LRRFIP2: variants seen among roughly 807,000 people sequenced by gnomAD.
The protein encoded by LRRFIP2 is LRR binding FLII interacting protein 2.
LRRFIP2 carries 109 observed loss-of-function variants against 125.9 expected under a neutral mutation model. The ratio of observed to expected loss-of-function variants is 0.87; its 90% CI spans 0.74 to 1.01. The LOEUF (loss-of-function observed/expected upper bound fraction) is 1.01. Ranked by LOEUF, LRRFIP2 falls within the 50% of genes least tolerant of loss-of-function variation. The pLI is 0.00. For missense variants in LRRFIP2, 850 were observed against 862.3 expected (o/e 0.99, Z 0.18); for synonymous variants, 291 against 293.1 (o/e 0.99, Z 0.07).
chr3:37,102,893 C>T (rs754386899), intron 15 of LRRFIP2, 31 bp downstream of exon 15: 1 of 1,449,166 alleles, frequency 6.9e-7, no homozygotes, highest in South Asian at 1.3e-5. Flanking sequence ...CCTGGGACAA[C>T]ATAACCAACC....
chr3:37,155,587 A>G (rs2096163882), intron 1 of LRRFIP2, among the ~76,000 whole-genome samples: 1 of 152,236 alleles, frequency 6.6e-6, no homozygotes, highest in South Asian at 2.1e-4. Context: ...TGGTTATGCT[A>G]GTCCTCTTAG....
chr3:37,066,338 A>G lies in LRRFIP2; in HGVS notation c.1465-13T>C, dbSNP rs775681697. The G allele has an allele frequency of 3.1e-6, 5 of 1,599,496 alleles. No homozygotes were observed. In the South Asian group the frequency reaches 5.5e-5, roughly 18 times the overall value. On this transcript the variant is annotated splice_polypyrimidine_tract_variant and intron_variant, in intron 21 of 27. Transcript: ENST00000336686. ...GTTTCTCTAGGGCCTGGTTTTAGGT[A>G]AGGTAGCAAGGGAAACAATGGCACA... is the stretch of plus-strand genomic sequence containing the variant.
At chr3:37,114,002 GCTAGAAGTGC>G (rs2094658836) in intron 7 of LRRFIP2, among the ~76,000 whole-genome samples, 1 of 152,116 alleles carries the variant, frequency 6.6e-6, no homozygotes, top group African/African-American at 2.4e-5. Context: ...AGAGAGTGTG[GCTAGAAGTGC>G]CCTACCTATC....
intron 2 of LRRFIP2, among the ~76,000 whole-genome samples, chr3:37,144,916 A>T (rs1452029991): frequency 6.6e-6 from 1 of 152,236 alleles, no homozygotes. Flanking sequence ...ACATTCAAAG[A>T]AAATGACTAA....
chr3:37,128,819 A>G (rs191749670), intron 3 of LRRFIP2, among the ~76,000 whole-genome samples: 7 of 152,366 alleles, frequency 4.6e-5, no homozygotes, highest in African/African-American at 1.7e-4. Context: ...ATGTAAGTGA[A>G]GCACTCATAA....
intron 2 of LRRFIP2, among the ~76,000 whole-genome samples, chr3:37,141,856 A>G (rs1433907850): frequency 4.6e-5 from 7 of 152,202 alleles, no homozygotes; most frequent in Non-Finnish European, 8.8e-5. Context: ...CTACTGGCTC[A>G]CGATCATAAG....
intron 2 of LRRFIP2, among the ~76,000 whole-genome samples, chr3:37,144,263 G>A (rs2095799860): frequency 6.6e-6 from 1 of 152,226 alleles, no homozygotes; most frequent in African/African-American, 2.4e-5. Flanking sequence ...GAAGGAGAGG[G>A]ATAGGCCTGG....
At position 37,091,530 on chromosome 3, in the gene LRRFIP2, A is replaced by T. The variant is rs368826128; in HGVS notation, c.1044T>A (p.Tyr348Ter). 1.2e-6 allele frequency: 2 copies of T among 1,608,810 alleles called. No homozygotes were observed. Among genetic ancestry groups the T allele is most frequent in the Non-Finnish European group, 1.7e-6 (2 of 1,177,526 alleles). ...DTSLSELRDI[Y>*]DLKDQIQDVE... is the part of the protein sequence containing the mutation. ...CATCCTGTATCTGGTCCTTAAGGTC[A>T]TAGATATCCTGCAGGACATAGGAAT... The change falls in exon 18 of 28, where the codon TAT becomes TAA. Residue 348 changes from tyrosine (Y) to a stop codon, truncating the protein, a stop_gained. Transcript: ENST00000336686. LOFTEE classifies it high-confidence loss of function.
chr3:37,093,966 A>C (rs534950756), intron 17 of LRRFIP2, among the ~76,000 whole-genome samples: 1 of 152,244 alleles, frequency 6.6e-6, no homozygotes, highest in South Asian at 2.1e-4. Context: ...GTCTTTTCTG[A>C]AAAGCCTTTT....
intron 1 of LRRFIP2, chr3:37,172,776 A>T (rs2096603463): frequency 6.6e-6 from 1 of 152,242 alleles, no homozygotes; most frequent in Non-Finnish European, 1.5e-5. Flanking sequence ...GAAGTATAAC[A>T]CATGATCAAC....
chr3:37,063,898 ATTAC>A (rs2089466536), intron 23 of LRRFIP2, 107 bp from the exon 24 acceptor site: 4 of 779,202 alleles, frequency 5.1e-6, no homozygotes, highest in South Asian at 4.6e-5. Flanking sequence ...GATAAATTAC[ATTAC>A]TTACAGCTCT....
chr3:37,068,467 G>A (rs537247143), intron 21 of LRRFIP2: 5 of 152,242 alleles, frequency 3.3e-5, no homozygotes, highest in African/African-American at 1.2e-4. Context: ...AATTACAGAT[G>A]AGAAAATAAA....
intron 24 of LRRFIP2, 99 bp from the exon 25 acceptor site, chr3:37,059,009 G>A (rs755681505): frequency 2.3e-5 from 34 of 1,455,128 alleles, no homozygotes; most frequent in Admixed American, 1.1e-4. Context: ...GACCCTTATC[G>A]TATCAGCCAC....
rs567949789 is a variant in LRRFIP2 at position 37,073,164 on chromosome 3, T to C, written c.1372-282A>G. ...CAGCAAGCCAGCTAGAATTTCTGTG[T>C]ACATACAGCTCCATATGTATATTCT... On this transcript the variant is annotated intron_variant, in intron 20 of 27. Transcript: ENST00000336686. Among the ~76,000 whole-genome samples the C allele has an allele frequency of 2.6e-5, 4 of 152,346 alleles. No homozygotes were observed. In the South Asian group the frequency reaches 6.2e-4, roughly 24 times the overall value.
chr3:37,083,798 C>A lies in LRRFIP2; in HGVS notation c.1116G>T (p.Leu372Phe). 1 of 1,588,426 alleles carries A rather than the reference C, an allele frequency of 6.3e-7. No homozygotes were observed. The highest frequency in any genetic ancestry group is 8.5e-7 in the Non-Finnish European group (1 of 1,172,196). ...MQGLKELKES[L>F]SEVEEKYKKA... ...TCTTGTATTTTTCTTCCACTTCAGA[C>A]AAAGATTCCTAAATGAGAGTTAAGT... The change falls in exon 19 of 28, where the codon TTG becomes TTT. Residue 372 changes from leucine (L) to phenylalanine (F), a missense_variant. Transcript: ENST00000336686.
chr3:37,128,210 T>C (rs928531024), intron 3 of LRRFIP2, among the ~76,000 whole-genome samples: 1 of 152,320 alleles, frequency 6.6e-6, no homozygotes, highest in East Asian at 1.9e-4. Context: ...CAATATAAAA[T>C]ATTTACATTG....
chr3:37,075,511 C>G (rs1442518834), intron 19 of LRRFIP2, among the ~76,000 whole-genome samples: 2 of 151,618 alleles, frequency 1.3e-5, no homozygotes, highest in Non-Finnish European at 2.9e-5. Context: ...ATATCAAAAA[C>G]CTATATGAGG....
intron 24 of LRRFIP2, 82 bp from the exon 25 acceptor site, chr3:37,058,992 C>CA: frequency 6.5e-7 from 1 of 1,541,426 alleles, no homozygotes; most frequent in Non-Finnish European, 8.9e-7. Flanking sequence ...CATCATAGAA[C>CA]AAAGCAGACC....
rs1049065425 is a variant in LRRFIP2 at position 37,066,387 on chromosome 3, C to A, written c.1465-62G>T. The A allele has an allele frequency of 4.9e-6, 6 of 1,231,054 alleles. No homozygotes were observed. In the African/African-American group the frequency reaches 8.9e-5, roughly 18 times the overall value. 76.3% of individuals were successfully genotyped at this position (1,231,054 alleles called of 1,614,324 possible). A position where few individuals can be genotyped will look rare whatever the true frequency, so the allele number is the denominator to read the frequency against. On this transcript the variant is annotated intron_variant, in intron 21 of 27. Transcript: ENST00000336686. ...CAGAAAAAGAGCAGGTGAAAGGTAGCAGAGAAGTACCTAATTCAAATAAGC... is the reference window on the plus strand; with the variant it reads ...CAGAAAAAGAGCAGGTGAAAGGTAGAAGAGAAGTACCTAATTCAAATAAGC...
Sources: allele counts gnomAD v4.1 joint callset (sites outside exome capture counted in the v4.1 genomes callset), GRCh38; gene constraint gnomAD v4.1.1; transcripts MANE v1.5; gene names NCBI Gene and HGNC (gene_info 2026-07-23, HGNC 2026-07-21).